Variants in JMY observed in about 807,000 individuals in gnomAD.
The protein encoded by JMY is junction-mediating and -regulatory protein.
Under a neutral mutation model 103.3 loss-of-function variants are expected in JMY, and 46 were observed. The observed-to-expected ratio is 0.45, with a 90% CI of 0.35 to 0.57. The LOEUF is 0.57. Ranked by LOEUF, JMY falls within the 20% of genes least tolerant of loss-of-function variation. The pLI is 0.00. For synonymous variants in JMY, 526 were observed against 489.3 expected (o/e 1.07, Z -0.99); for missense variants, 1,238 against 1,255.2 (o/e 0.99, Z 0.21).
chr5:79,239,404 G>T (rs1414818322), intron 1 of JMY, among the ~76,000 whole-genome samples: 1 of 152,146 alleles, frequency 6.6e-6, no homozygotes, highest in African/African-American at 2.4e-5. Context: ...AGAACCGTTA[G>T]TGCTTCTTTC....
chr5:79,306,911 G>A (rs1043784381), intron 7 of JMY, among the ~76,000 whole-genome samples: 10 of 152,052 alleles, frequency 6.6e-5, no homozygotes, highest in African/African-American at 2.4e-4. Context: ...CCTTTGTTCC[G>A]CTACTCATCC....
chr5:79,314,901 G>C (rs749792326), intron 9 of JMY, 50 bp downstream of exon 9: 24 of 1,464,278 alleles, frequency 1.6e-5, no homozygotes, highest in Non-Finnish European at 2.1e-5. Context: ...ATCAGGCATA[G>C]TAAAAAACTA....
chr5:79,306,528 C>T, intron 7 of JMY, 67 bp downstream of exon 7: 2 of 1,079,454 alleles, frequency 1.9e-6, no homozygotes, highest in South Asian at 1.4e-5. Flanking sequence ...TGGATAAAAT[C>T]TGTAGAGAAT....
At chr5:79,271,322 A>G (rs533004558) in intron 1 of JMY, among the ~76,000 whole-genome samples, 3 of 152,026 alleles carry the variant, frequency 2.0e-5, no homozygotes, top group Admixed American at 1.3e-4. Context: ...GCAATCCATC[A>G]TGCTCAGCCT....
At chr5:79,312,930 G>A (rs1452730981) in intron 8 of JMY, among the ~76,000 whole-genome samples, 1 of 152,170 alleles carries the variant, frequency 6.6e-6, no homozygotes, top group East Asian at 1.9e-4. Flanking sequence ...TGCTTCAGCA[G>A]TTCTCTTGCC....
At chr5:79,259,443 AC>A (rs547127816) in intron 1 of JMY, among the ~76,000 whole-genome samples, 8 of 152,278 alleles carry the variant, frequency 5.3e-5, no homozygotes, top group Admixed American at 1.3e-4. Flanking sequence ...GCAGTCTGAC[AC>A]CCAGGCTTCA....
chr5:79,322,173 T>C lies in JMY; in HGVS notation c.*571T>C, dbSNP rs912398316. 6.6e-6 allele frequency: 1 copy of C among 152,226 alleles called. No homozygotes were observed. Among genetic ancestry groups the C allele is most frequent in the Non-Finnish European group, 1.5e-5 (1 of 68,036 alleles). 9.4% of individuals were successfully genotyped at this position (152,226 alleles called of 1,614,324 possible). On this transcript the variant is annotated 3_prime_UTR_variant, in exon 11 of 11. Transcript: ENST00000396137. ...ATTTCCAAAGGATTTTTCATAAAGA[T>C]GTTCAGCAACATCTGAAAAGCTGCA...
intron 6 of JMY, among the ~76,000 whole-genome samples, chr5:79,303,178 A>C (rs1213557365): frequency 2.6e-5 from 4 of 152,202 alleles, no homozygotes; most frequent in Non-Finnish European, 5.9e-5. Flanking sequence ...CCTGGGTCTT[A>C]TAAGAGTGTA....
intron 1 of JMY, among the ~76,000 whole-genome samples, chr5:79,270,695 TTATA>T (rs201213295): frequency 0.057 from 8,313 of 144,662 alleles, 354 homozygotes; most frequent in South Asian, 0.11. Flanking sequence ...ATTAATATAT[TTATA>T]TATTATATAT....
intron 1 of JMY, among the ~76,000 whole-genome samples, chr5:79,277,191 T>C (rs1177645210): frequency 1.3e-5 from 2 of 152,222 alleles, no homozygotes; most frequent in Admixed American, 1.3e-4. Context: ...CACTGTAAGC[T>C]GTGAGGACCA....
At chr5:79,284,581 G>A in intron 2 of JMY, 1 of 1,539,744 alleles carries the variant, frequency 6.5e-7, no homozygotes. Flanking sequence ...GCCATTTTTT[G>A]ACCATGGAAC....
chr5:79,242,731 C>G (rs983612497), intron 1 of JMY, among the ~76,000 whole-genome samples: 3 of 151,340 alleles, frequency 2.0e-5, no homozygotes, highest in African/African-American at 7.3e-5. Context: ...AATCTCTACT[C>G]TTGAGAATTG....
intron 1 of JMY, among the ~76,000 whole-genome samples, chr5:79,264,307 G>T (rs531437079): frequency 6.6e-6 from 1 of 151,732 alleles, no homozygotes; most frequent in Non-Finnish European, 1.5e-5. Flanking sequence ...GGCTGGTTTC[G>T]AACTCCTGGG....
chr5:79,249,932 C>T (rs1403753839), intron 1 of JMY, among the ~76,000 whole-genome samples: 2 of 152,158 alleles, frequency 1.3e-5, no homozygotes, highest in African/African-American at 2.4e-5. Flanking sequence ...AGTAACTGAG[C>T]TTTCTGCCCG....
chr5:79,310,392 T>C (rs1367945318), intron 7 of JMY, among the ~76,000 whole-genome samples: 2 of 152,156 alleles, frequency 1.3e-5, no homozygotes, highest in Admixed American at 1.3e-4. Context: ...ATCCCAAAGA[T>C]AAATGTCATC....
At chr5:79,288,334 A>G (rs1011362476) in intron 2 of JMY, among the ~76,000 whole-genome samples, 1 of 152,110 alleles carries the variant, frequency 6.6e-6, no homozygotes, top group African/African-American at 2.4e-5. Flanking sequence ...CACCTCTCGC[A>G]TGCCTTTTCA....
chr5:79,279,836 T>G lies in JMY; in HGVS notation c.1206+1753T>G, dbSNP rs186410445. On this transcript the variant is annotated intron_variant, in intron 2 of 10. Coordinates refer to ENST00000396137, the MANE Select transcript of JMY (RefSeq NM_152405.5). ...TTTTTAGATGTTGGAAATTCCTGGT[T>G]TTTTTTGTTTTGTTTTGTTTTGTTT... Among the ~76,000 whole-genome samples the G allele has an allele frequency of 2.6e-5, 4 of 152,224 alleles. No individual in the cohort carries two copies. The East Asian group carries it at 7.7e-4, about 29-fold the overall frequency.
chr5:79,303,118 C>G (rs1316187479), intron 6 of JMY, among the ~76,000 whole-genome samples: 2 of 152,142 alleles, frequency 1.3e-5, no homozygotes, highest in African/African-American at 4.8e-5. Flanking sequence ...TATAAGAGGT[C>G]TTGGGCATCC....
chr5:79,257,600 TCAAA>T (rs1745286879), intron 1 of JMY, among the ~76,000 whole-genome samples: 1 of 152,086 alleles, frequency 6.6e-6, no homozygotes, highest in South Asian at 2.1e-4. Context: ...TGACCCTGTC[TCAAA>T]CAAACAAGAA....
Sources: gnomAD v4.1 joint callset for allele counts (sites outside exome capture counted in the v4.1 genomes callset) on GRCh38, gnomAD v4.1.1 for gene constraint, MANE v1.5 for transcripts, NCBI Gene and HGNC (gene_info 2026-07-23, HGNC 2026-07-21) for gene names.